PMM2: variants seen among roughly 807,000 people sequenced by gnomAD.
PMM2 encodes mannose-6-phosphate isomerase.
Under a neutral mutation model 33.2 loss-of-function variants are expected in PMM2, and 35 were observed. That is an observed-to-expected ratio of 1.06 (90% CI 0.81 to 1.40). The LOEUF (loss-of-function observed/expected upper bound fraction) is 1.40. Among genes scored for constraint, PMM2 ranks in the 40% most tolerant of loss-of-function variants. The pLI is 0.00. For missense variants in PMM2, 386 were observed against 306.0 expected (o/e 1.26, Z -1.95); for synonymous variants, 153 against 114.7 (o/e 1.33, Z -2.13).
At chr16:8,837,181 G>A (rs1317619431) in intron 7 of PMM2, among the ~76,000 whole-genome samples, 3 of 151,942 alleles carry the variant, frequency 2.0e-5, no homozygotes, top group African/African-American at 4.8e-5. Context: ...GAGTTGCACT[G>A]GGCACAGAGA....
At position 8,829,409 on chromosome 16, in the gene PMM2, C is replaced by G. The variant is rs967367697; in HGVS notation, c.639+16303C>G. On this transcript the variant is annotated intron_variant, in intron 7 of 7. Transcript: ENST00000268261. ...AAGTCGCATTGCAAAGGAAAACCAT[C>G]CGTTTCTGTTTTATGGAACCACAGG... 2.6e-5 allele frequency among the ~76,000 whole-genome samples: 4 copies of G among 152,210 alleles called. No homozygotes were observed. In the South Asian group the frequency reaches 8.3e-4, roughly 32 times the overall value.
At chr16:8,810,569 A>G (rs2141022545) in intron 4 of PMM2, 1 of 139,202 alleles carries the variant, frequency 7.2e-6, no homozygotes, top group African/African-American at 2.8e-5. Context: ...TATTTCTAAA[A>G]TATGACTTTT....
chr16:8,826,024 G>A (rs1596496000), intron 7 of PMM2, among the ~76,000 whole-genome samples: 1 of 152,166 alleles, frequency 6.6e-6, no homozygotes, highest in Non-Finnish European at 1.5e-5. Flanking sequence ...AAAGTGCTAG[G>A]ATTACAGGCA....
Position 8,797,915 on chromosome 16 carries a change from C to T in PMM2, c.33C>T (p.Phe11=). The T allele has an allele frequency of 1.2e-6, 2 of 1,610,962 alleles. No individual in the cohort carries two copies. Among genetic ancestry groups the T allele is most frequent in the Non-Finnish European group, 1.7e-6 (2 of 1,179,002 alleles). The change falls in exon 1 of 8, where the codon TTC becomes TTT. Residue 11 remains phenylalanine, a synonymous_variant. Transcript: ENST00000268261. ...CGCCTGGCCCAGCGCTCTGCCTCTT[C>T]GACGTGGATGGGACCCTCACCGCCC... MAAPGPALCL[F]DVDGTLTAPR...
chr16:8,833,312 T>C (rs2060822329), intron 7 of PMM2, among the ~76,000 whole-genome samples: 1 of 152,104 alleles, frequency 6.6e-6, no homozygotes, highest in South Asian at 2.1e-4. Flanking sequence ...AGTACATTGA[T>C]CAGTTTGGGT....
chr16:8,832,232 G>A (rs2060814439), intron 7 of PMM2: 3 of 985,428 alleles, frequency 3.0e-6, no homozygotes, highest in Middle Eastern at 5.2e-4. Flanking sequence ...GGGAGAGAAA[G>A]GAAGGCCTGA....
intron 4 of PMM2, 43 bp from the exon 5 acceptor site, chr16:8,811,036 A>C (rs745428670): frequency 8.4e-7 from 1 of 1,196,264 alleles, no homozygotes; most frequent in South Asian, 1.3e-5. Context: ...GCCCAAATGA[A>C]TAACGTGTTT....
In PMM2 at chr16:8,833,830, A is replaced by G. The variant is rs567176252; in HGVS notation, c.640-13894A>G. ...ACATCTGATTAGAGAGTGCCTAAGG[A>G]GATTCAGCATAGTCCTGCCAGCAAA... is the stretch of plus-strand genomic sequence containing the variant. On this transcript the variant is annotated intron_variant, in intron 7 of 7. Coordinates refer to ENST00000268261, the MANE Select transcript of PMM2 (RefSeq NM_000303.3). Among the ~76,000 whole-genome samples, 24 of 152,302 alleles carry G rather than the reference A, an allele frequency of 1.6e-4. No individual in the cohort carries two copies. The East Asian group carries it at 4.4e-3, about 28-fold the overall frequency.
At chr16:8,802,058 C>G (rs747579366) in intron 2 of PMM2, 148 bp downstream of exon 2, 3 of 646,686 alleles carry the variant, frequency 4.6e-6, no homozygotes, top group South Asian at 4.5e-5. Context: ...TTGGCCTTTG[C>G]TTTTCCTCTG....
At chr16:8,844,714 G>A (rs144417156) in intron 7 of PMM2, among the ~76,000 whole-genome samples, 154 of 152,312 alleles carry the variant, frequency 1.0e-3, no homozygotes, top group African/African-American at 3.4e-3. Flanking sequence ...CGTGACCGGC[G>A]CCGGTTTTTT....
At chr16:8,820,597 G>T (rs1157794506) in intron 7 of PMM2, among the ~76,000 whole-genome samples, 2 of 151,966 alleles carry the variant, frequency 1.3e-5, no homozygotes, top group South Asian at 2.1e-4. Context: ...CAAGTGATCC[G>T]CCCACCTTGG....
intron 7 of PMM2, among the ~76,000 whole-genome samples, chr16:8,841,012 A>G (rs993313407): frequency 1.3e-5 from 2 of 152,032 alleles, no homozygotes; most frequent in African/African-American, 4.8e-5. Context: ...TAAAAGTTCA[A>G]ATGGACTGTA....
At chr16:8,835,691 T>G (rs543102070) in intron 7 of PMM2, among the ~76,000 whole-genome samples, 1 of 151,980 alleles carries the variant, frequency 6.6e-6, no homozygotes, top group Admixed American at 6.6e-5. Context: ...TAAGGAGAGT[T>G]TATAGGTTTT....
chr16:8,812,719 T>C (rs779490617), intron 6 of PMM2, among the ~76,000 whole-genome samples: 12 of 152,210 alleles, frequency 7.9e-5, no homozygotes, highest in Non-Finnish European at 1.6e-4. Context: ...AACCACACGC[T>C]TGACAGGGCG....
intron 2 of PMM2, among the ~76,000 whole-genome samples, chr16:8,804,249 C>T (rs532527822): frequency 1.3e-5 from 2 of 151,778 alleles, no homozygotes; most frequent in Non-Finnish European, 2.9e-5. Context: ...CTATGTTGGC[C>T]AGGCTGGTCT....
chr16:8,799,213 A>G (rs928872170), intron 1 of PMM2, among the ~76,000 whole-genome samples: 1 of 152,218 alleles, frequency 6.6e-6, no homozygotes, highest in Non-Finnish European at 1.5e-5. Flanking sequence ...TTTATTTATT[A>G]CAAAAACAAA....
chr16:8,822,687 G>A (rs2060744737), intron 7 of PMM2, among the ~76,000 whole-genome samples: 1 of 152,184 alleles, frequency 6.6e-6, no homozygotes, highest in South Asian at 2.1e-4. Flanking sequence ...ATATGAAGAT[G>A]GGAAAAGAGT....
At chr16:8,817,012 G>A (rs997669620) in intron 7 of PMM2, among the ~76,000 whole-genome samples, 11 of 152,130 alleles carry the variant, frequency 7.2e-5, no homozygotes, top group African/African-American at 1.9e-4. Flanking sequence ...TCCAACTCCT[G>A]AGTTCAAGCA....
chr16:8,832,664 C>T, intron 7 of PMM2: 9 of 985,444 alleles, frequency 9.1e-6, no homozygotes, highest in African/African-American at 3.5e-5. Flanking sequence ...TCAATTGCGT[C>T]CTCACCCCGC....
Sources: allele counts gnomAD v4.1 joint callset (sites outside exome capture counted in the v4.1 genomes callset), GRCh38; gene constraint gnomAD v4.1.1; transcripts MANE v1.5; gene names NCBI Gene and HGNC (gene_info 2026-07-23, HGNC 2026-07-21).